The following TMEM156 variants were observed in gnomAD, a reference collection of about 807,000 sequenced individuals.
TMEM156 encodes the protein transmembrane protein 156.
TMEM156 carries 28 observed loss-of-function variants against 30.5 expected under a neutral mutation model. That is an observed-to-expected ratio of 0.92 (90% CI 0.68 to 1.26). The LOEUF is 1.26. Ranked by LOEUF, TMEM156 falls within the 50% of genes most tolerant of loss-of-function variation. TMEM156 has a pLI of 0.00. For synonymous variants in TMEM156, 137 were observed against 119.9 expected (o/e 1.14, Z -0.93); for missense variants, 351 against 340.6 (o/e 1.03, Z -0.24).
intron 1 of TMEM156, among the ~76,000 whole-genome samples, chr4:39,021,144 A>G (rs1156927446): frequency 6.6e-6 from 1 of 152,158 alleles, no homozygotes; most frequent in Non-Finnish European, 1.5e-5. Context: ...GGTTGATGCC[A>G]ATAATCCTAG....
At chr4:39,004,217 TC>T (rs1713574498) in intron 1 of TMEM156, among the ~76,000 whole-genome samples, 1 of 152,116 alleles carries the variant, frequency 6.6e-6, no homozygotes, top group Admixed American at 6.6e-5. Context: ...CCAGAATTAC[TC>T]CAGTACTAAG....
At chr4:39,004,268 G>A (rs1376941545) in intron 1 of TMEM156, among the ~76,000 whole-genome samples, 2 of 152,118 alleles carry the variant, frequency 1.3e-5, no homozygotes, top group African/African-American at 4.8e-5. Flanking sequence ...ATACTGAACA[G>A]AATTGGGAAA....
chr4:39,023,898 T>C (rs1436617376), intron 1 of TMEM156, among the ~76,000 whole-genome samples: 5 of 152,096 alleles, frequency 3.3e-5, no homozygotes, highest in Non-Finnish European at 5.9e-5. Context: ...ACCAAAAATA[T>C]TTACTGTGTG....
At chr4:38,985,697 G>T (rs548760274) in intron 5 of TMEM156, among the ~76,000 whole-genome samples, 3 of 152,290 alleles carry the variant, frequency 2.0e-5, no homozygotes, top group Non-Finnish European at 4.4e-5. Flanking sequence ...CACGGTCAAG[G>T]ATATTATTTC....
chr4:38,996,527 G>A (rs1211326950), intron 2 of TMEM156, among the ~76,000 whole-genome samples: 11 of 152,106 alleles, frequency 7.2e-5, no homozygotes, highest in South Asian at 2.1e-4. Context: ...AGCTGAGATC[G>A]TGCCACTGCA....
chr4:39,018,272 C>A (rs972523462), intron 1 of TMEM156, among the ~76,000 whole-genome samples: 2 of 152,318 alleles, frequency 1.3e-5, no homozygotes, highest in Admixed American at 1.3e-4. Flanking sequence ...TAACTCGGAT[C>A]ATCTCCTTCC....
At chr4:39,012,918 C>G (rs1298503109) in intron 1 of TMEM156, among the ~76,000 whole-genome samples, 1 of 148,668 alleles carries the variant, frequency 6.7e-6, no homozygotes, top group Non-Finnish European at 1.5e-5. Context: ...CCAGCCTGGG[C>G]AACAGATTGA....
chr4:39,020,244 T>A (rs1399320611), intron 1 of TMEM156, among the ~76,000 whole-genome samples: 1 of 152,202 alleles, frequency 6.6e-6, no homozygotes, highest in African/African-American at 2.4e-5. Flanking sequence ...TGGACTATTG[T>A]GAGTAATGCT....
intron 1 of TMEM156, among the ~76,000 whole-genome samples, chr4:39,013,105 T>C (rs548359871): frequency 3.5e-4 from 53 of 151,136 alleles, no homozygotes; most frequent in Non-Finnish European, 7.1e-4. Flanking sequence ...TCGCGGCCAG[T>C]CTGGGTAACA....
Position 38,984,042 on chromosome 4 carries a change from G to A in TMEM156, c.823+2294C>T, listed in dbSNP as rs917431684. Among the ~76,000 whole-genome samples the A allele has an allele frequency of 1.7e-4, 26 of 152,220 alleles. 1 individual carries two copies. Among genetic ancestry groups the A allele is most frequent in the South Asian group, 4.1e-4 (2 of 4,832 alleles). ...GTGAAGACGATAGTTAAATGAATAA[G>A]ATGGAAAGTAGATTAATGCCCAGCC... On this transcript the variant is annotated intron_variant, in intron 5 of 6. Transcript: ENST00000381938.
intron 1 of TMEM156, among the ~76,000 whole-genome samples, chr4:39,010,560 A>G (rs1035703980): frequency 1.3e-5 from 2 of 152,206 alleles, no homozygotes; most frequent in African/African-American, 4.8e-5. Context: ...GTACAAAAAC[A>G]TTAATAGACA....
chr4:39,001,466 C>T (rs974776189), intron 1 of TMEM156, among the ~76,000 whole-genome samples: 3 of 149,768 alleles, frequency 2.0e-5, no homozygotes, highest in Non-Finnish European at 3.0e-5. Flanking sequence ...CACCATTTCT[C>T]ATATAATCAT....
intron 1 of TMEM156, among the ~76,000 whole-genome samples, chr4:39,021,215 C>A (rs1714842185): frequency 6.6e-6 from 1 of 151,942 alleles, no homozygotes; most frequent in South Asian, 2.1e-4. Context: ...CCAGCCTGGG[C>A]AACATAGTGA....
At chr4:38,976,535 C>T (rs981223767) in intron 5 of TMEM156, among the ~76,000 whole-genome samples, 1 of 152,060 alleles carries the variant, frequency 6.6e-6, no homozygotes, top group African/African-American at 2.4e-5. Context: ...GCCTGTGAGA[C>T]CCTAAGCAGA....
chr4:38,993,449 C>G (rs1353486418), intron 3 of TMEM156, among the ~76,000 whole-genome samples: 1 of 137,526 alleles, frequency 7.3e-6, no homozygotes, highest in Non-Finnish European at 1.6e-5. Flanking sequence ...CACCACCACC[C>G]CACTGCAACA....
chr4:39,025,359 A>AC (rs998244834), intron 1 of TMEM156, among the ~76,000 whole-genome samples: 2 of 151,696 alleles, frequency 1.3e-5, no homozygotes, highest in African/African-American at 4.8e-5. Context: ...AAAAAAAAAA[A>AC]AAAAAAAAAG....
At chr4:39,021,466 C>T (rs1714863223) in intron 1 of TMEM156, among the ~76,000 whole-genome samples, 1 of 151,676 alleles carries the variant, frequency 6.6e-6, no homozygotes, top group African/African-American at 2.4e-5. Context: ...AAAGAAATAA[C>T]TCTTCACTAT....
intron 5 of TMEM156, among the ~76,000 whole-genome samples, chr4:38,980,596 G>A (rs866265384): frequency 1.3e-5 from 2 of 152,094 alleles, no homozygotes; most frequent in Non-Finnish European, 2.9e-5. Flanking sequence ...ATAACACAAA[G>A]CACAATAACA....
intron 1 of TMEM156, among the ~76,000 whole-genome samples, chr4:39,027,830 C>T (rs1715302047): frequency 6.7e-6 from 1 of 149,100 alleles, no homozygotes; most frequent in South Asian, 2.1e-4. Context: ...AATCTCGGCT[C>T]ACTGCAACCT....
Sources: gnomAD v4.1 joint callset for allele counts (sites outside exome capture counted in the v4.1 genomes callset) on GRCh38, gnomAD v4.1.1 for gene constraint, MANE v1.5 for transcripts, NCBI Gene and HGNC (gene_info 2026-07-23, HGNC 2026-07-21) for gene names.